Variants in SLCO1B3 observed in about 807,000 individuals in gnomAD.
The protein encoded by SLCO1B3 is solute carrier organic anion transporter family member 1B3, also known as liver-specific organic anion transporter 2.
A neutral mutation model predicts 71.8 loss-of-function variants in SLCO1B3; 72 were observed. That is an observed-to-expected ratio of 1.00 (90% CI 0.83 to 1.22). SLCO1B3 has a LOEUF of 1.22. SLCO1B3 is among the 50% of genes most tolerant of loss of function. SLCO1B3 has a pLI of 0.00. For missense variants in SLCO1B3, 911 were observed against 819.7 expected (o/e 1.11, Z -1.36); for synonymous variants, 298 against 278.4 (o/e 1.07, Z -0.70).
chr12:20,841,467 G>A (rs187750125), intron 3 of SLCO1B3, among the ~76,000 whole-genome samples: 82 of 151,658 alleles, frequency 5.4e-4, no homozygotes, highest in Non-Finnish European at 8.5e-4. Context: ...AAATATGTAG[G>A]GATTCTTATT....
At chr12:20,911,638 C>CT (rs1332968706) in intron 15 of SLCO1B3, among the ~76,000 whole-genome samples, 1 of 152,252 alleles carries the variant, frequency 6.6e-6, no homozygotes, top group African/African-American at 2.4e-5. Context: ...TTCAGATAGT[C>CT]TGTTTCTTCT....
chr12:20,900,804 G>A (rs1033878580), intron 14 of SLCO1B3, among the ~76,000 whole-genome samples: 14 of 152,164 alleles, frequency 9.2e-5, no homozygotes, highest in South Asian at 4.1e-4. Context: ...CCAATAGCTC[G>A]GAGCACCCCG....
Position 20,861,059 on chromosome 12 carries a change from T to C in SLCO1B3, c.402T>C (p.Asn134=). The stretch of plus-strand genomic sequence containing the variant: ...AAACCCATATTAATCCATCAGAAAA[T>C]TCAACATCAAGTTTATCAACCTGTT... ...SKETHINPSE[N]STSSLSTCLI... is the part of the protein sequence containing the mutation. The change falls in exon 6 of 16, where the codon AAT becomes AAC. Residue 134 remains asparagine (N), a synonymous_variant. Coordinates refer to ENST00000381545, the MANE Select transcript of SLCO1B3 (RefSeq NM_019844.4). 1.9e-6 allele frequency: 3 copies of C among 1,601,494 alleles called. No homozygotes were observed.
At chr12:20,816,762 A>G (rs1425479615) in intron 3 of SLCO1B3, among the ~76,000 whole-genome samples, 1 of 152,176 alleles carries the variant, frequency 6.6e-6, no homozygotes, top group Non-Finnish European at 1.5e-5. Flanking sequence ...TAGTTCCTTG[A>G]GGAACCTCCA....
chr12:20,864,577 A>G (rs1172157728), intron 8 of SLCO1B3, among the ~76,000 whole-genome samples: 1 of 152,152 alleles, frequency 6.6e-6, no homozygotes, highest in Non-Finnish European at 1.5e-5. Context: ...GCTACACGTT[A>G]TGTACATCAT....
chr12:20,813,450 G>A (rs1028717466), intron 1 of SLCO1B3, 74 bp from the exon 2 acceptor site: 5 of 152,182 alleles, frequency 3.3e-5, no homozygotes, highest in Non-Finnish European at 7.3e-5. Context: ...GGAACAAAGT[G>A]AAGCTCTGCC....
intron 3 of SLCO1B3, among the ~76,000 whole-genome samples, chr12:20,842,909 A>G (rs1043985655): frequency 6.6e-6 from 1 of 152,162 alleles, no homozygotes; most frequent in African/African-American, 2.4e-5. Flanking sequence ...TAGTGTTTTT[A>G]TAAAAGAGAC....
chr12:20,902,983 C>A (rs1324519774), intron 15 of SLCO1B3, among the ~76,000 whole-genome samples: 1 of 149,834 alleles, frequency 6.7e-6, no homozygotes, highest in Non-Finnish European at 1.5e-5. Context: ...TGAGGTGGGA[C>A]AACTGCTTGA....
chr12:20,826,898 A>AT (rs1008773953), intron 3 of SLCO1B3, among the ~76,000 whole-genome samples: 4 of 152,086 alleles, frequency 2.6e-5, no homozygotes, highest in African/African-American at 9.6e-5. Context: ...GTCTCCCTAT[A>AT]TTTTTTTAAA....
chr12:20,910,533 C>G lies in SLCO1B3; in HGVS notation c.1866-5471C>G, dbSNP rs1866351496. Among the ~76,000 whole-genome samples, 3 of 152,126 alleles carry G rather than the reference C, an allele frequency of 2.0e-5. No homozygotes were observed. The South Asian group carries it at 6.2e-4, about 32-fold the overall frequency. Reference sequence around the variant, plus strand: ...TTGGGCTTGCATTGAATCTGTGTATCAAGTTGGGACAAACTGACATCTTGA... The same window carrying G: ...TTGGGCTTGCATTGAATCTGTGTATGAAGTTGGGACAAACTGACATCTTGA... On this transcript the variant is annotated intron_variant, in intron 15 of 15. Coordinates refer to ENST00000381545, the MANE Select transcript of SLCO1B3 (RefSeq NM_019844.4).
At chr12:20,875,573 A>G (rs899428511) in intron 9 of SLCO1B3, 96 bp downstream of exon 9, 4 of 1,278,914 alleles carry the variant, frequency 3.1e-6, no homozygotes, top group Non-Finnish European at 4.3e-6. Context: ...AATCATCTAG[A>G]GTCAGCTTTC....
At chr12:20,874,506 A>G (rs1206460502) in intron 8 of SLCO1B3, among the ~76,000 whole-genome samples, 1 of 152,202 alleles carries the variant, frequency 6.6e-6, no homozygotes, top group Non-Finnish European at 1.5e-5. Context: ...TCTTGCTGAT[A>G]TCTCATGGAT....
intron 8 of SLCO1B3, among the ~76,000 whole-genome samples, chr12:20,864,840 A>G (rs1306401690): frequency 1.3e-5 from 2 of 152,154 alleles, no homozygotes; most frequent in Admixed American, 6.5e-5. Context: ...GGATCCAAAG[A>G]CATAACATAA....
In SLCO1B3 at chr12:20,883,440, T is replaced by C. The variant is rs766964646; in HGVS notation, c.1520T>C (p.Val507Ala). Residue 507 changes from valine to alanine, a missense_variant, in exon 13 of 16, where the codon GTG becomes GCG. Val to Ala is a moderately conservative substitution (Grantham distance 64). Transcript: ENST00000381545. ...TAGGTGTTTTATAACTGTAGTTGTG[T>C]GGAAGTAACTGGTCTCCAGAACAGA... ...KHTVFYNCSC[V>A]EVTGLQNRNY... The C allele has an allele frequency of 2.6e-6, 4 of 1,563,514 alleles. No homozygotes were observed. The Admixed American group carries it at 8.2e-5, about 32-fold the overall frequency.
rs147555114 is a variant in SLCO1B3, at chr12:20,862,516, A to C, written c.586A>C (p.Ile196Leu). ...CATAGTACCATTGGGGATTTCATACATTGATGATTTTGCAAAAGAAGGACA... is the reference window on the plus strand; with the variant it reads ...CATAGTACCATTGGGGATTTCATACCTTGATGATTTTGCAAAAGAAGGACA... ...TPIVPLGISYIDDFAKEGHSS... is the reference protein window; with the variant it reads ...TPIVPLGISYLDDFAKEGHSS... Residue 196 changes from isoleucine (I) to leucine (L), a missense_variant, in exon 7 of 16, where the codon ATT becomes CTT. Coordinates refer to ENST00000381545, the MANE Select transcript of SLCO1B3 (RefSeq NM_019844.4). The C allele has an allele frequency of 1.2e-6, 2 of 1,611,952 alleles. No individual in the cohort carries two copies. Among genetic ancestry groups the C allele is most frequent in the Admixed American group, 1.7e-5 (1 of 59,652 alleles).
chr12:20,902,462 A>T (rs1451719835), intron 15 of SLCO1B3: 2 of 152,268 alleles, frequency 1.3e-5, no homozygotes, highest in Admixed American at 1.3e-4. Flanking sequence ...ACAGAAAACC[A>T]AATATCACGT....
intron 3 of SLCO1B3, among the ~76,000 whole-genome samples, chr12:20,830,816 A>G (rs757822522): frequency 6.6e-6 from 1 of 152,220 alleles, no homozygotes; most frequent in Non-Finnish European, 1.5e-5. Context: ...CAGAATGGCA[A>G]TCATAAGGAA....
chr12:20,814,976 C>CTTTTTTTTT (rs1297703814), intron 2 of SLCO1B3, among the ~76,000 whole-genome samples: 13 of 117,110 alleles, frequency 1.1e-4, no homozygotes, highest in East Asian at 2.5e-4. Context: ...CTTTTCTTTT[C>CTTTTTTTTT]TTTTCTTTTT....
chr12:20,816,013 C>A (rs369901421), intron 3 of SLCO1B3, among the ~76,000 whole-genome samples, 191 bp downstream of exon 3: 2 of 152,002 alleles, frequency 1.3e-5, no homozygotes, highest in Admixed American at 6.5e-5. Flanking sequence ...GAAGTTATTT[C>A]TTTGCTAGAA....
Sources: gnomAD v4.1 joint callset for allele counts (sites outside exome capture counted in the v4.1 genomes callset) on GRCh38, gnomAD v4.1.1 for gene constraint, MANE v1.5 for transcripts, NCBI Gene and HGNC (gene_info 2026-07-23, HGNC 2026-07-21) for gene names.